The following CNDP1 variants were observed in gnomAD, a reference collection of about 807,000 sequenced individuals.
CNDP1 encodes the protein carnosine dipeptidase 1.
A neutral mutation model predicts 58.1 loss-of-function variants in CNDP1; 44 were observed. The observed-to-expected ratio is 0.76, with a 90% confidence interval of 0.60 to 0.97. CNDP1 has a LOEUF of 0.97. Ranked by LOEUF, CNDP1 falls within the 50% of genes least tolerant of loss-of-function variation. The probability of loss-of-function intolerance (pLI) is 0.00; values close to 1 mark genes in which losing one functional copy is unlikely to be tolerated. For missense variants in CNDP1, 616 were observed against 655.1 expected (o/e 0.94, Z 0.65); for synonymous variants, 254 against 252.6 (o/e 1.01, Z -0.05).
intron 1 of CNDP1, among the ~76,000 whole-genome samples, chr18:74,537,727 C>G (rs951106183): frequency 7.2e-5 from 11 of 152,118 alleles, no homozygotes; most frequent in Admixed American, 4.6e-4. Flanking sequence ...AGTGCCCAGG[C>G]CCAGTCACTC....
chr18:74,561,167 C>A, intron 4 of CNDP1, 149 bp downstream of exon 4: 1 of 982,672 alleles, frequency 1.0e-6, no homozygotes, highest in Non-Finnish European at 1.5e-6. Context: ...GTAATCCCAG[C>A]ACTTTGGGAA....
At chr18:74,548,472 G>A (rs1342150466) in intron 1 of CNDP1, among the ~76,000 whole-genome samples, 1 of 152,158 alleles carries the variant, frequency 6.6e-6, no homozygotes, top group African/African-American at 2.4e-5. Flanking sequence ...CCGGCACCAT[G>A]CTTATACAGC....
chr18:74,535,849 T>G lies in CNDP1; in HGVS notation c.24+1158T>G, dbSNP rs562281997. ...GAGTTCAAGACTGGCCTGGGCAACATAGTGAGACCCTGACTCTACAAACAA... is the reference window on the plus strand; with the variant it reads ...GAGTTCAAGACTGGCCTGGGCAACAGAGTGAGACCCTGACTCTACAAACAA... On this transcript the variant is annotated intron_variant, in intron 1 of 11. Transcript: ENST00000358821. Among the ~76,000 whole-genome samples, 3 of 152,078 alleles carry G rather than the reference T, an allele frequency of 2.0e-5. No individual in the cohort carries two copies. The East Asian group carries it at 5.8e-4, about 29-fold the overall frequency.
Position 74,583,581 on chromosome 18 carries a change from A to G in CNDP1, c.1330A>G (p.Met444Val). ...CTCAGTGTTTGGAACAGAACCAGAT[A>G]TGATCCGGGATGGATCCACCATTCC... ...IRTVFGTEPD[M>V]IRDGSTIPIA... Residue 444 changes from methionine (M) to valine (V), a missense_variant, in exon 11 of 12, where the codon ATG becomes GTG. Physicochemically the swap from Met to Val is conservative, Grantham distance 21. Transcript: ENST00000358821. 1 of 1,614,192 alleles carries G rather than the reference A, an allele frequency of 6.2e-7. No individual in the cohort carries two copies.
chr18:74,534,561 GCA>G lies in CNDP1; in HGVS notation c.-104_-103del. On this transcript the variant is annotated 5_prime_UTR_variant, in exon 1 of 12. Transcript: ENST00000358821. The stretch of plus-strand genomic sequence containing the variant: ...CTTCCGGGGGACAACGTGGGTCAGG[GCA>G]CAGAGAGATATTTAATGTCACCCTC... 8.4e-7 allele frequency: 1 copy of G among 1,189,042 alleles called. No homozygotes were observed. Among genetic ancestry groups the G allele is most frequent in the South Asian group, 1.3e-5 (1 of 78,910 alleles). The allele number at this position is 1,189,042 out of a possible 1,614,324, so 73.7% of individuals were successfully genotyped here.
intron 2 of CNDP1, 82 bp downstream of exon 2, chr18:74,556,548 G>A: frequency 1.3e-6 from 2 of 1,548,744 alleles, no homozygotes; most frequent in Non-Finnish European, 1.8e-6. Context: ...TTATTTGCTT[G>A]GAGATGTGGA....
chr18:74,558,132 A>G (rs141369342), intron 2 of CNDP1, among the ~76,000 whole-genome samples: 129 of 152,342 alleles, frequency 8.5e-4, no homozygotes, highest in African/African-American at 2.9e-3. Flanking sequence ...TAAAAGCTCT[A>G]CAACCAGAAT....
Position 74,570,860 on chromosome 18 carries a change from G to A in CNDP1, c.757-326G>A, listed in dbSNP as rs1981461713. On this transcript the variant is annotated intron_variant, in intron 6 of 11. Transcript: ENST00000358821. ...AGAAAGAGGAGTGATCAACAATATG[G>A]GATGAAACCAAAAGGAAGACAGCTG... Among the ~76,000 whole-genome samples the A allele has an allele frequency of 1.3e-5, 2 of 152,184 alleles. 1 individual carries two copies. The highest frequency in any genetic ancestry group is 4.8e-5 in the African/African-American group (2 of 41,428).
chr18:74,539,178 CAA>C (rs5826332), intron 1 of CNDP1, among the ~76,000 whole-genome samples: 1 of 143,236 alleles, frequency 7.0e-6, no homozygotes. Context: ...TCCCTCATCT[CAA>C]AAAAAAAAAA....
At chr18:74,541,389 G>C (rs113360575) in intron 1 of CNDP1, among the ~76,000 whole-genome samples, 78 of 152,312 alleles carry the variant, frequency 5.1e-4, no homozygotes, top group African/African-American at 1.5e-3. Flanking sequence ...CCTGGTGACT[G>C]CCACTCTGCT....
At chr18:74,582,249 C>T (rs1981808094) in intron 10 of CNDP1, among the ~76,000 whole-genome samples, 1 of 152,188 alleles carries the variant, frequency 6.6e-6, no homozygotes, top group African/African-American at 2.4e-5. Flanking sequence ...GAACGAGGCA[C>T]ATCACTTCGA....
Position 74,585,623 on chromosome 18 carries a change from A to T in CNDP1, c.*1061A>T, listed in dbSNP as rs1184961512. ...ATATAAACAAAATCAATCTTTATGA[A>T]TTTATTATTTAAATCACATTAATGG... On this transcript the variant is annotated 3_prime_UTR_variant, in exon 12 of 12. Coordinates refer to ENST00000358821, the MANE Select transcript of CNDP1 (RefSeq NM_032649.6). The T allele has an allele frequency of 6.6e-6, 1 of 152,220 alleles. No homozygotes were observed. Among genetic ancestry groups the T allele is most frequent in the Admixed American group, 6.5e-5 (1 of 15,270 alleles). The allele number at this position is 152,220 out of a possible 1,614,324, so 9.4% of individuals were successfully genotyped here. A position where few individuals can be genotyped will look rare whatever the true frequency, so the allele number is the denominator to read the frequency against.
intron 1 of CNDP1, among the ~76,000 whole-genome samples, chr18:74,535,980 C>T (rs1203372980): frequency 2.0e-5 from 3 of 152,062 alleles, no homozygotes; most frequent in Non-Finnish European, 4.4e-5. Context: ...TGCAGTGAGC[C>T]ATGGTTGCGC....
At chr18:74,577,518 C>T (rs760462484) in intron 8 of CNDP1, 2 of 152,746 alleles carry the variant, frequency 1.3e-5, no homozygotes, top group African/African-American at 2.4e-5. Flanking sequence ...AGGCAAATTT[C>T]GAATTGTTTT....
intron 1 of CNDP1, among the ~76,000 whole-genome samples, chr18:74,543,319 C>G (rs1980675313): frequency 6.6e-6 from 1 of 151,664 alleles, no homozygotes; most frequent in African/African-American, 2.4e-5. Context: ...GTGAGACCCC[C>G]CTGTTTCTAC....
intron 1 of CNDP1, among the ~76,000 whole-genome samples, chr18:74,543,404 A>G (rs572165654): frequency 1.3e-5 from 2 of 152,266 alleles, no homozygotes; most frequent in South Asian, 4.1e-4. Flanking sequence ...GAGGTGGGAC[A>G]ATCACTTGAA....
chr18:74,583,742 TCTTCC>T, intron 11 of CNDP1, 34 bp downstream of exon 11: 1 of 1,611,012 alleles, frequency 6.2e-7, no homozygotes, highest in Admixed American at 1.7e-5. Context: ...GCCTCTCTCT[TCTTCC>T]TTTACTGCAC....
chr18:74,578,601 T>C (rs1295817894), intron 9 of CNDP1, among the ~76,000 whole-genome samples: 2 of 152,158 alleles, frequency 1.3e-5, no homozygotes, highest in African/African-American at 4.8e-5. Flanking sequence ...CACTCCAGCC[T>C]GGGTGACAGA....
At chr18:74,571,099 C>T (rs537101261) in intron 6 of CNDP1, 87 bp from the exon 7 acceptor site, 14 of 844,896 alleles carry the variant, frequency 1.7e-5, no homozygotes, top group Middle Eastern at 2.3e-4. Context: ...GAGGGACACA[C>T]GCAGATATGT....
Sources: gnomAD v4.1 joint callset for allele counts (sites outside exome capture counted in the v4.1 genomes callset) on GRCh38, gnomAD v4.1.1 for gene constraint, MANE v1.5 for transcripts, NCBI Gene and HGNC (gene_info 2026-07-23, HGNC 2026-07-21) for gene names.